Variants in FZD3 observed in about 807,000 individuals in gnomAD.
The protein encoded by FZD3 is frizzled class receptor 3, also known as frizzled-3.
FZD3 carries 30 observed loss-of-function variants against 60.7 expected under a neutral mutation model. That is an observed-to-expected ratio of 0.49 (90% CI 0.37 to 0.67). The LOEUF is 0.67. FZD3 is among the 30% of genes least tolerant of loss of function. The probability of loss-of-function intolerance (pLI) is 0.00; values close to 1 mark genes in which losing one functional copy is unlikely to be tolerated. For synonymous variants in FZD3, 246 were observed against 275.2 expected (o/e 0.89, Z 1.05); for missense variants, 605 against 838.7 (o/e 0.72, Z 3.44).
intron 1 of FZD3, 141 bp downstream of exon 1, chr8:28,494,484 T>G (rs1293208849): frequency 1.3e-5 from 2 of 151,744 alleles, no homozygotes; most frequent in Non-Finnish European, 2.9e-5. Context: ...GCCCGGCGCC[T>G]CCTCCTCAGG....
At chr8:28,520,864 TTTC>T (rs1585964752) in intron 4 of FZD3, 30 bp downstream of exon 4, 1 of 1,401,496 alleles carries the variant, frequency 7.1e-7, no homozygotes, top group Non-Finnish European at 9.8e-7. Context: ...TCATGGATCA[TTTC>T]TTATGTTGCA....
chr8:28,526,879 A>C (rs934580338), intron 4 of FZD3, among the ~76,000 whole-genome samples: 9 of 152,336 alleles, frequency 5.9e-5, no homozygotes, highest in African/African-American at 1.9e-4. Context: ...CCTTAGTTGC[A>C]TAAATGTCTG....
chr8:28,520,980 T>C, intron 4 of FZD3, 146 bp downstream of exon 4: 1 of 423,120 alleles, frequency 2.4e-6, no homozygotes. Flanking sequence ...GGCCTCACAA[T>C]TGTTTATTTG....
At chr8:28,499,614 A>G (rs1345280876) in intron 1 of FZD3, among the ~76,000 whole-genome samples, 1 of 152,050 alleles carries the variant, frequency 6.6e-6, no homozygotes, top group Non-Finnish European at 1.5e-5. Context: ...CAACTAGTTT[A>G]CTAATAACAT....
chr8:28,502,854 T>C lies in FZD3; in HGVS notation c.-160T>C, dbSNP rs1804032030. On this transcript the variant is annotated 5_prime_UTR_variant, in exon 3 of 8. Coordinates refer to ENST00000240093, the MANE Select transcript of FZD3 (RefSeq NM_017412.4). ...ACAAACGCCTTTTGTGAGACCAAGC[T>C]AACAAACCTCTGACGGTGCGAAGAG... The C allele has an allele frequency of 2.3e-6, 1 of 437,780 alleles. No homozygotes were observed. The allele number at this position is 437,780 out of a possible 1,614,324, so 27.1% of individuals were successfully genotyped here.
At chr8:28,552,930 G>A (rs1221645582) in intron 6 of FZD3, among the ~76,000 whole-genome samples, 2 of 152,142 alleles carry the variant, frequency 1.3e-5, no homozygotes, top group African/African-American at 4.8e-5. Context: ...GCACTACACT[G>A]AATCTATGCA....
chr8:28,527,239 A>G lies in FZD3; in HGVS notation c.479A>G (p.Asp160Gly), dbSNP rs1804737285. The G allele has an allele frequency of 1.2e-6, 2 of 1,613,784 alleles. No individual in the cohort carries two copies. The highest frequency in any genetic ancestry group is 1.1e-5 in the South Asian group (1 of 91,068). Residue 160 changes from aspartate to glycine, a missense_variant, in exon 5 of 8, where the codon GAC becomes GGC. Physicochemically the swap from Asp to Gly is moderately conservative, Grantham distance 94. Coordinates refer to ENST00000240093, the MANE Select transcript of FZD3 (RefSeq NM_017412.4). This position sits in a 1 kb window ranked among gnomAD's most constrained non-coding sequence, Gnocchi z 5.0. ...GGAGCCCCAGTGGCAGTGCAGAGAG[A>G]CTATGGTTTTTGGTGTCCCCGAGAG... ...TEGAPVAVQR[D>G]YGFWCPRELK...
rs1312576319 is a variant in FZD3 at position 28,570,329 on chromosome 8, T to TA, written c.*7323dup. ...GAACATGGCAAATCCCCTTCTGTAC[T>TA]AAAAATACAAAAATTAGCCAGGCGC... On this transcript the variant is annotated 3_prime_UTR_variant, in exon 8 of 8. Transcript: ENST00000240093. 6.7e-6 allele frequency: 1 copy of TA among 148,480 alleles called. No homozygotes were observed. The highest frequency in any genetic ancestry group is 2.5e-5 in the African/African-American group (1 of 39,968). The allele number at this position is 148,480 out of a possible 1,614,324, so 9.2% of individuals were successfully genotyped here.
At chr8:28,554,836 A>G (rs1179714826) in intron 6 of FZD3, among the ~76,000 whole-genome samples, 1 of 152,160 alleles carries the variant, frequency 6.6e-6, no homozygotes, top group African/African-American at 2.4e-5. Flanking sequence ...TAATTTCTCA[A>G]TATATGATCC....
chr8:28,520,438 C>T (rs544703989), intron 3 of FZD3, among the ~76,000 whole-genome samples, 200 bp from the exon 4 acceptor site: 1 of 152,168 alleles, frequency 6.6e-6, no homozygotes, highest in South Asian at 2.1e-4. Flanking sequence ...TTCTGGGATA[C>T]ACCTCACATT....
chr8:28,505,583 C>T (rs1258244995), intron 3 of FZD3, among the ~76,000 whole-genome samples: 2 of 152,118 alleles, frequency 1.3e-5, no homozygotes, highest in East Asian at 3.9e-4. Context: ...AACTCCTGGG[C>T]TGAAGCGATC....
chr8:28,514,317 TA>T (rs61103140), intron 3 of FZD3, among the ~76,000 whole-genome samples: 91,785 of 151,254 alleles, frequency 0.61, 28,016 homozygotes, highest in African/African-American at 0.65. Context: ...TTGTTAAGGA[TA>T]AAAAAAAAAT....
chr8:28,562,249 G>T (rs1805626115), intron 7 of FZD3, among the ~76,000 whole-genome samples: 1 of 152,126 alleles, frequency 6.6e-6, no homozygotes, highest in Non-Finnish European at 1.5e-5. Context: ...TTGTTAACTG[G>T]GCTATCTGGA....
Position 28,567,760 on chromosome 8 carries a change from T to C in FZD3, c.*4749T>C, listed in dbSNP as rs1351566512. 2 of 152,212 alleles carry C rather than the reference T, an allele frequency of 1.3e-5. No homozygotes were observed. The highest frequency in any genetic ancestry group is 3.8e-4 in the East Asian group (2 of 5,200). 9.4% of individuals were successfully genotyped at this position (152,212 alleles called of 1,614,324 possible). A position where few individuals can be genotyped will look rare whatever the true frequency, so the allele number is the denominator to read the frequency against. ...AGTAGGTTATGCTCTTAAATTGTAT[T>C]GGTTCTTTAATATGTGTTATACCAG... On this transcript the variant is annotated 3_prime_UTR_variant, in exon 8 of 8. Transcript: ENST00000240093.
intron 5 of FZD3, among the ~76,000 whole-genome samples, chr8:28,529,373 T>A (rs1804802877): frequency 6.6e-6 from 1 of 152,230 alleles, no homozygotes; most frequent in African/African-American, 2.4e-5. Context: ...ATACCTTTAT[T>A]GACGTACTTA....
intron 1 of FZD3, among the ~76,000 whole-genome samples, chr8:28,497,595 T>C (rs1482271904): frequency 6.6e-6 from 1 of 152,220 alleles, no homozygotes; most frequent in African/African-American, 2.4e-5. Context: ...TGAAACAACC[T>C]TTAGATGATC....
intron 1 of FZD3, among the ~76,000 whole-genome samples, chr8:28,495,043 G>A (rs1167106018): frequency 6.6e-6 from 1 of 152,234 alleles, no homozygotes; most frequent in African/African-American, 2.4e-5. Flanking sequence ...CCGAGGGTCC[G>A]CATCTGAAAT....
chr8:28,509,973 G>A (rs571048642), intron 3 of FZD3, among the ~76,000 whole-genome samples: 1 of 152,248 alleles, frequency 6.6e-6, no homozygotes, highest in African/African-American at 2.4e-5. Context: ...TGGGTCATAT[G>A]TTAATTCCAT....
At chr8:28,544,385 T>G (rs1170191188) in intron 5 of FZD3, among the ~76,000 whole-genome samples, 1 of 152,142 alleles carries the variant, frequency 6.6e-6, no homozygotes, top group African/African-American at 2.4e-5. Flanking sequence ...TTTATTGTGT[T>G]TTCTATCTAG....
Sources: gnomAD v4.1 joint callset for allele counts (sites outside exome capture counted in the v4.1 genomes callset) on GRCh38, gnomAD v4.1.1 for gene constraint, Gnocchi (gnomAD v3.1) non-coding constraint, MANE v1.5 for transcripts, NCBI Gene and HGNC (gene_info 2026-07-23, HGNC 2026-07-21) for gene names.